CDC42BPA: variants seen among roughly 807,000 people sequenced by gnomAD.
CDC42BPA encodes the protein CDC42 binding protein kinase alpha, also known as serine/threonine-protein kinase MRCK alpha.
Under a neutral mutation model 223.5 loss-of-function variants are expected in CDC42BPA, and 80 were observed. That is an observed-to-expected ratio of 0.36 (90% CI 0.30 to 0.43). The LOEUF (loss-of-function observed/expected upper bound fraction) is 0.43, where lower values mean the gene tolerates loss of function less well. Ranked by LOEUF, CDC42BPA falls within the 20% of genes least tolerant of loss-of-function variation. CDC42BPA has a pLI of 1.00. For synonymous variants in CDC42BPA, 694 were observed against 718.6 expected (o/e 0.97, Z 0.55); for missense variants, 1,743 against 2,099.9 (o/e 0.83, Z 3.32).
intron 2 of CDC42BPA, among the ~76,000 whole-genome samples, chr1:227,219,657 T>C (rs1454350988): frequency 1.3e-5 from 2 of 152,110 alleles, no homozygotes; most frequent in African/African-American, 4.8e-5. Flanking sequence ...CATGCAGAGG[T>C]GAGCCTACCC....
chr1:227,302,145 C>G (rs924262294), intron 1 of CDC42BPA, among the ~76,000 whole-genome samples: 2 of 152,158 alleles, frequency 1.3e-5, no homozygotes, highest in African/African-American at 2.4e-5. Context: ...CCTTTCTACT[C>G]TCTCCTGCAT....
chr1:227,032,667 C>A (rs1669497241), intron 27 of CDC42BPA, among the ~76,000 whole-genome samples: 1 of 152,136 alleles, frequency 6.6e-6, no homozygotes, highest in African/African-American at 2.4e-5. Flanking sequence ...CCTCAAAGGG[C>A]CTGGCAGCTT....
At chr1:227,214,699 T>C (rs934858001) in intron 2 of CDC42BPA, among the ~76,000 whole-genome samples, 1 of 152,082 alleles carries the variant, frequency 6.6e-6, no homozygotes, top group Non-Finnish European at 1.5e-5. Flanking sequence ...GAGGGAAGAA[T>C]AGCTGAAAGA....
rs569674991 is a variant in CDC42BPA, at chr1:227,112,304, A to G, written c.2001+8T>C. ...ATTAAGCTTCATAAATGTGAAGTCA[A>G]AAGATACCTTCAGTCCCTCCAATTC... On this transcript the variant is annotated splice_region_variant and intron_variant, in intron 14 of 36. Transcript: ENST00000366766. The G allele has an allele frequency of 9.9e-6, 15 of 1,508,184 alleles. No individual in the cohort carries two copies. The East Asian group carries it at 2.5e-4, about 25-fold the overall frequency. The allele number at this position is 1,508,184 out of a possible 1,614,324, so 93.4% of individuals were successfully genotyped here.
intron 1 of CDC42BPA, among the ~76,000 whole-genome samples, chr1:227,312,781 C>A (rs1256594208): frequency 1.4e-5 from 2 of 140,908 alleles, no homozygotes; most frequent in Non-Finnish European, 3.1e-5. Flanking sequence ...ATCATGGGGG[C>A]AGACTTCCCC....
intron 23 of CDC42BPA, among the ~76,000 whole-genome samples, chr1:227,047,049 T>C (rs777323058): frequency 2.0e-5 from 3 of 152,136 alleles, no homozygotes; most frequent in African/African-American, 2.4e-5. Flanking sequence ...TTTGGTTGGG[T>C]TGTCATATAT....
chr1:227,214,079 T>C (rs543210123), intron 2 of CDC42BPA, among the ~76,000 whole-genome samples: 9 of 152,076 alleles, frequency 5.9e-5, no homozygotes, highest in Non-Finnish European at 1.2e-4. Flanking sequence ...TTCCAGTTAC[T>C]GGGGGTTGGT....
rs574288648 is a variant in CDC42BPA, at chr1:227,004,048, A to G, written c.4975+946T>C. 5 of 114,160 alleles carry G rather than the reference A, an allele frequency of 4.4e-5. No homozygotes were observed. The Admixed American group carries it at 5.4e-4, about 12-fold the overall frequency. The allele number at this position is 114,160 out of a possible 1,614,324, so 7.1% of individuals were successfully genotyped here. The stretch of plus-strand genomic sequence containing the variant: ...CTGGCCTTCTTTCAGTGAATCAAAC[A>G]GATACATTTTTTTTTTTTTTTTGCT... On this transcript the variant is annotated intron_variant, in intron 35 of 36. Coordinates refer to ENST00000366766, the MANE Select transcript of CDC42BPA (RefSeq NM_001394014.1).
intron 2 of CDC42BPA, among the ~76,000 whole-genome samples, chr1:227,218,831 A>G (rs189239612): frequency 2.2e-4 from 33 of 152,344 alleles, no homozygotes; most frequent in Middle Eastern, 3.4e-3. Flanking sequence ...AATATTTATT[A>G]AAAATGGGGG....
At chr1:227,298,377 T>G (rs1418728736) in intron 1 of CDC42BPA, among the ~76,000 whole-genome samples, 1 of 152,122 alleles carries the variant, frequency 6.6e-6, no homozygotes, top group Admixed American at 6.6e-5. Flanking sequence ...AATAATATCC[T>G]CAGGTAAATA....
chr1:227,196,093 A>ATT (rs776842109), intron 4 of CDC42BPA, among the ~76,000 whole-genome samples: 19 of 143,294 alleles, frequency 1.3e-4, no homozygotes, highest in African/African-American at 4.6e-4. Context: ...AGCTTTGGGG[A>ATT]TTTTTTTTTT....
intron 2 of CDC42BPA, among the ~76,000 whole-genome samples, chr1:227,227,811 G>C (rs2147937823): frequency 6.7e-6 from 1 of 149,254 alleles, no homozygotes; most frequent in South Asian, 2.1e-4. Context: ...ATTTACAATA[G>C]TTACAGGATA....
rs562239967 is a variant in CDC42BPA at position 227,243,380 on chromosome 1, C to A, written c.270+10684G>T. ...CTGTTTTTAAAAAATTAATAAGTGG[C>A]ACACATAGGGGCCCAACTTAAAAGT... On this transcript the variant is annotated intron_variant, in intron 2 of 36. Coordinates refer to ENST00000366766, the MANE Select transcript of CDC42BPA (RefSeq NM_001394014.1). Among the ~76,000 whole-genome samples, 912 of 147,546 alleles carry A rather than the reference C, an allele frequency of 6.2e-3. 10 individuals carry two copies. The highest frequency in any genetic ancestry group is 0.022 in the African/African-American group (859 of 39,804).
chr1:227,302,598 G>A (rs1439848847), intron 1 of CDC42BPA, among the ~76,000 whole-genome samples: 2 of 152,118 alleles, frequency 1.3e-5, no homozygotes, highest in Non-Finnish European at 2.9e-5. Context: ...ACCTTGATGC[G>A]AATCTATTTT....
intron 11 of CDC42BPA, among the ~76,000 whole-genome samples, chr1:227,121,562 T>C (rs1470326397): frequency 2.0e-5 from 3 of 152,212 alleles, no homozygotes; most frequent in Non-Finnish European, 4.4e-5. Flanking sequence ...CTGGTTTTCA[T>C]AGTATCTGAA....
intron 11 of CDC42BPA, among the ~76,000 whole-genome samples, chr1:227,126,509 AAGGAAGGAAGGT>A (rs1160508474): frequency 2.2e-4 from 19 of 87,546 alleles, no homozygotes; most frequent in African/African-American, 7.8e-4. Flanking sequence ...GGAAGGAAGG[AAGGAAGGAAGGT>A]AAGAAAGGAA....
Position 227,302,574 on chromosome 1 carries a change from T to G in CDC42BPA, c.178+14431A>C, listed in dbSNP as rs1420787343. On this transcript the variant is annotated intron_variant, in intron 1 of 36. Coordinates refer to ENST00000366766, the MANE Select transcript of CDC42BPA (RefSeq NM_001394014.1). ...CCCCAGAGTTTTAGGAATTGCAAAA[T>G]ATATTGATTCTGAACCTTGATGCGA... Among the ~76,000 whole-genome samples the G allele has an allele frequency of 9.2e-5, 14 of 152,198 alleles. 1 individual carries two copies. Among genetic ancestry groups the G allele is most frequent in the Admixed American group, 9.2e-4 (14 of 15,282 alleles).
chr1:227,035,540 T>C lies in CDC42BPA; in HGVS notation c.3267A>G (p.Glu1089=). 6.2e-7 allele frequency: 1 copy of C among 1,611,480 alleles called. No homozygotes were observed. The highest frequency in any genetic ancestry group is 2.2e-5 in the East Asian group (1 of 44,782). Reference sequence around the variant, plus strand: ...CTATACCCAGGGGACCTTTTGTCTGTTCAGGAGGAACTGGACAAGTGGTTG... The same window carrying C: ...CTATACCCAGGGGACCTTTTGTCTGCTCAGGAGGAACTGGACAAGTGGTTG... ...KAPTTCPVPP[E]QTKGPLGIDP... Residue 1089 remains glutamate (E), a synonymous_variant, in exon 25 of 37, where the codon GAA becomes GAG. Transcript: ENST00000366766.
intron 1 of CDC42BPA, among the ~76,000 whole-genome samples, chr1:227,303,860 G>A (rs1692094655): frequency 1.3e-5 from 2 of 152,262 alleles, no homozygotes; most frequent in South Asian, 4.1e-4. Flanking sequence ...ATTGCAGAAG[G>A]AAATGAAGTT....
Sources: gnomAD v4.1 joint callset for allele counts (sites outside exome capture counted in the v4.1 genomes callset) on GRCh38, gnomAD v4.1.1 for gene constraint, MANE v1.5 for transcripts, NCBI Gene and HGNC (gene_info 2026-07-23, HGNC 2026-07-21) for gene names.